The following MCF2L2 variants were observed in gnomAD, a reference collection of about 807,000 sequenced individuals.
MCF2L2 encodes the protein probable guanine nucleotide exchange factor MCF2L2.
MCF2L2 carries 102 observed loss-of-function variants against 150.2 expected under a neutral mutation model. The ratio of observed to expected loss-of-function variants is 0.68; its 90% CI spans 0.58 to 0.80. MCF2L2 has a LOEUF of 0.80. Among genes scored for constraint, MCF2L2 ranks in the 30% least tolerant of loss-of-function variants. MCF2L2 has a pLI of 0.00. For missense variants in MCF2L2, 1,256 were observed against 1,372.8 expected (o/e 0.91, Z 1.34); for synonymous variants, 465 against 491.3 (o/e 0.95, Z 0.71).
At chr3:183,405,783 T>G (rs764446526) in intron 1 of MCF2L2, among the ~76,000 whole-genome samples, 4 of 152,220 alleles carry the variant, frequency 2.6e-5, no homozygotes, top group Admixed American at 6.5e-5. Context: ...TGGCGTGATC[T>G]TGGCTCACTG....
At chr3:183,385,620 T>G (rs1004254956) in intron 2 of MCF2L2, among the ~76,000 whole-genome samples, 9 of 152,210 alleles carry the variant, frequency 5.9e-5, no homozygotes, top group Non-Finnish European at 1.0e-4. Flanking sequence ...CAGTTCACAA[T>G]AATTCCAAGT....
intron 1 of MCF2L2, among the ~76,000 whole-genome samples, chr3:183,419,055 C>G (rs1272802226): frequency 3.3e-5 from 5 of 152,248 alleles, no homozygotes; most frequent in African/African-American, 1.2e-4. Flanking sequence ...CCTCTGAAAT[C>G]TAGGAGGTTT....
Position 183,181,619 on chromosome 3 carries a change from A to T in MCF2L2, c.3017-1460T>A, listed in dbSNP as rs1361643353. ...CCTTATGCCAGGAGCAAGCAGTGAG[A>T]ATGGAAGAATGATTGTCTTGCTGAA... is the stretch of plus-strand genomic sequence containing the variant. On this transcript the variant is annotated intron_variant, in intron 27 of 29. Transcript: ENST00000328913. This position sits in a 1 kb window ranked among gnomAD's most constrained non-coding sequence, Gnocchi z 4.3. Among the ~76,000 whole-genome samples the T allele has an allele frequency of 6.6e-6, 1 of 152,080 alleles. No homozygotes were observed. The highest frequency in any genetic ancestry group is 1.5e-5 in the Non-Finnish European group (1 of 68,010).
chr3:183,179,393 G>A lies in MCF2L2; in HGVS notation c.3332C>T (p.Ala1111Val). 1 of 1,549,048 alleles carries A rather than the reference G, an allele frequency of 6.5e-7. No homozygotes were observed. The highest frequency in any genetic ancestry group is 8.7e-7 in the Non-Finnish European group (1 of 1,147,026). The change falls in exon 30 of 30, where the codon GCC becomes GTC. Residue 1111 changes from alanine (A) to valine (V), a missense_variant. Coordinates refer to ENST00000328913, the MANE Select transcript of MCF2L2 (RefSeq NM_015078.4). The surrounding 1 kb of genome is among the most constrained non-coding windows in gnomAD (Gnocchi z 4.2). ...QARALRPRTSAQES is the reference protein window; with the variant it reads ...QARALRPRTSVQES ...TCCGCAGGGAGGTCAGCTCTCCTGG[G>A]CGGAGGTCCTCGGGCGCAGCGCCCT...
chr3:183,243,454 T>C (rs1006828670), intron 15 of MCF2L2, among the ~76,000 whole-genome samples: 1 of 152,198 alleles, frequency 6.6e-6, no homozygotes, highest in Non-Finnish European at 1.5e-5. Flanking sequence ...AGCTTGTATC[T>C]GATTTTCCAC....
intron 21 of MCF2L2, among the ~76,000 whole-genome samples, chr3:183,216,388 T>C (rs1300590248): frequency 6.9e-6 from 1 of 145,538 alleles, no homozygotes; most frequent in Non-Finnish European, 1.5e-5. Flanking sequence ...AGAATTCAGC[T>C]ATATAGCTGA....
intron 1 of MCF2L2, among the ~76,000 whole-genome samples, chr3:183,395,465 T>C (rs1217203102): frequency 1.3e-5 from 2 of 152,238 alleles, no homozygotes; most frequent in African/African-American, 4.8e-5. Flanking sequence ...ACCCCTTTAG[T>C]TTACATACGG....
At chr3:183,191,963 C>G (rs899739654) in intron 27 of MCF2L2, among the ~76,000 whole-genome samples, 4 of 150,608 alleles carry the variant, frequency 2.7e-5, no homozygotes, top group Admixed American at 2.0e-4. Context: ...GCCTCAGCCT[C>G]CCGAGTAGCT....
At chr3:183,280,983 A>G (rs972895181) in intron 14 of MCF2L2, among the ~76,000 whole-genome samples, 8 of 151,886 alleles carry the variant, frequency 5.3e-5, no homozygotes, top group African/African-American at 1.5e-4. Flanking sequence ...CTGAGGAGAG[A>G]AAAAAAAGCA....
intron 15 of MCF2L2, among the ~76,000 whole-genome samples, chr3:183,259,493 T>C (rs935471387): frequency 3.3e-5 from 5 of 152,232 alleles, no homozygotes; most frequent in African/African-American, 1.2e-4. Context: ...TTACGTGTCA[T>C]TTTATGAGCT....
intron 20 of MCF2L2, among the ~76,000 whole-genome samples, chr3:183,221,957 C>G (rs1224906854): frequency 6.6e-6 from 1 of 152,196 alleles, no homozygotes; most frequent in Non-Finnish European, 1.5e-5. Context: ...GGTCTCATAA[C>G]TGACAAATGG....
chr3:183,192,831 G>T lies in MCF2L2; in HGVS notation c.3016+168C>A, dbSNP rs1014190588. ...TCTGCCCCATTAGCTCTACACAAAT[G>T]AATAGCAGGAAATTGATTTTAAACC... is the stretch of plus-strand genomic sequence containing the variant. On this transcript the variant is annotated intron_variant, in intron 27 of 29. Transcript: ENST00000328913. 9 of 558,294 alleles carry T rather than the reference G, an allele frequency of 1.6e-5. 1 individual carries two copies. The Admixed American group carries it at 2.8e-4, about 17-fold the overall frequency. 34.6% of individuals were successfully genotyped at this position (558,294 alleles called of 1,614,324 possible).
intron 13 of MCF2L2, among the ~76,000 whole-genome samples, chr3:183,290,483 A>T (rs1416100254): frequency 1.3e-5 from 2 of 152,122 alleles, no homozygotes; most frequent in Non-Finnish European, 2.9e-5. Flanking sequence ...GTCCCTTGGG[A>T]AACTCACAGG....
chr3:183,265,211 C>A (rs185571988), intron 15 of MCF2L2: 1 of 152,356 alleles, frequency 6.6e-6, no homozygotes, highest in African/African-American at 2.4e-5. Context: ...CCCAAGGTTA[C>A]ACAATAAATC....
intron 3 of MCF2L2, among the ~76,000 whole-genome samples, chr3:183,360,775 G>C (rs779405336): frequency 3.9e-5 from 6 of 151,988 alleles, no homozygotes; most frequent in Admixed American, 2.6e-4. Flanking sequence ...TTCTAGACCA[G>C]CCTGGCCAAC....
intron 5 of MCF2L2, among the ~76,000 whole-genome samples, chr3:183,330,528 G>C (rs540626283): frequency 1.3e-5 from 2 of 152,268 alleles, no homozygotes; most frequent in African/African-American, 2.4e-5. Context: ...CAAAAGGGCA[G>C]AGTGAGGAAG....
rs1328441899 is a variant in MCF2L2, at chr3:183,305,628, A to G, written c.1113+4088T>C. On this transcript the variant is annotated intron_variant, in intron 10 of 29. Coordinates refer to ENST00000328913, the MANE Select transcript of MCF2L2 (RefSeq NM_015078.4). The surrounding 1 kb of genome is among the most constrained non-coding windows in gnomAD (Gnocchi z 4.1). ...CACTTTGGGAAGCCAAGGCCGGCGGATCACAAGGTCAGGAGTTAGAGACCA... is the reference window on the plus strand; with the variant it reads ...CACTTTGGGAAGCCAAGGCCGGCGGGTCACAAGGTCAGGAGTTAGAGACCA... 6.6e-6 allele frequency among the ~76,000 whole-genome samples: 1 copy of G among 152,240 alleles called. No individual in the cohort carries two copies. Among genetic ancestry groups the G allele is most frequent in the Non-Finnish European group, 1.5e-5 (1 of 68,040 alleles).
At chr3:183,306,292 T>C (rs964291940) in intron 10 of MCF2L2, among the ~76,000 whole-genome samples, 1 of 152,152 alleles carries the variant, frequency 6.6e-6, no homozygotes, top group Non-Finnish European at 1.5e-5. Context: ...TTAGTTTATA[T>C]ACCTCCCACT....
intron 1 of MCF2L2, among the ~76,000 whole-genome samples, chr3:183,425,617 C>T (rs865844094): frequency 9.2e-5 from 14 of 152,146 alleles, no homozygotes; most frequent in Admixed American, 3.9e-4. Flanking sequence ...TTGAGGTCCC[C>T]CAGTAGGGGA....
Sources: gnomAD v4.1 joint callset for allele counts (sites outside exome capture counted in the v4.1 genomes callset) on GRCh38, gnomAD v4.1.1 for gene constraint, Gnocchi (gnomAD v3.1) non-coding constraint, MANE v1.5 for transcripts, NCBI Gene and HGNC (gene_info 2026-07-23, HGNC 2026-07-21) for gene names.